SSH1: variants seen among roughly 807,000 people sequenced by gnomAD.
SSH1 encodes slingshot protein phosphatase 1, also known as protein phosphatase Slingshot homolog 1.
Under a neutral mutation model 79.7 loss-of-function variants are expected in SSH1, and 43 were observed. That is an observed-to-expected ratio of 0.54 (90% CI 0.42 to 0.70). The LOEUF is 0.70. SSH1 is among the 30% of genes least tolerant of loss of function. The pLI is 0.00. For missense variants in SSH1, 1,206 were observed against 1,358.8 expected, an observed-to-expected ratio of 0.89 and a Z score of 1.77; for synonymous variants, 599 against 538.3, an observed-to-expected ratio of 1.11 and a Z score of -1.56.
intron 13 of SSH1, 48 bp from the exon 14 acceptor site, chr12:108,792,877 TG>T: frequency 6.2e-7 from 1 of 1,609,124 alleles, no homozygotes. Flanking sequence ...GGATGGTGCC[TG>T]GGGGTGCTGG....
chr12:108,824,506 C>T (rs1015218266), intron 2 of SSH1, among the ~76,000 whole-genome samples: 5 of 151,874 alleles, frequency 3.3e-5, no homozygotes, highest in African/African-American at 1.2e-4. Context: ...TGGATACTGA[C>T]TTGTGATTTA....
rs535651120 is a variant in SSH1 at position 108,799,974 on chromosome 12, C to T, written c.1149-774G>A. ...GGAGCCGGCTCTGGTTTCCTATACC[C>T]CAACCTTGAAATTCTCCTGCAAATC... On this transcript the variant is annotated intron_variant, in intron 12 of 14. Coordinates refer to ENST00000326495, the MANE Select transcript of SSH1 (RefSeq NM_018984.4). Among the ~76,000 whole-genome samples the T allele has an allele frequency of 7.9e-5, 12 of 152,332 alleles. No homozygotes were observed. The East Asian group carries it at 1.7e-3, about 22-fold the overall frequency.
chr12:108,840,034 G>A lies in SSH1; in HGVS notation c.110+12604C>T, dbSNP rs147498385. Among the ~76,000 whole-genome samples the A allele has an allele frequency of 7.3e-3, 1,119 of 152,288 alleles. 17 individuals are homozygous for A. Among genetic ancestry groups the A allele is most frequent in the African/African-American group, 0.026 (1,060 of 41,556 alleles). On this transcript the variant is annotated intron_variant, in intron 2 of 14. Transcript: ENST00000326495. ...GGCCGATGCCCCATCCAGAAGCCCC[G>A]CTCTGACCACACGCAGGCTCTCCCG... is the stretch of plus-strand genomic sequence containing the variant.
At chr12:108,816,913 C>A (rs531331918) in intron 5 of SSH1, 125 bp downstream of exon 5, 1 of 1,471,008 alleles carries the variant, frequency 6.8e-7, no homozygotes, top group South Asian at 1.1e-5. Flanking sequence ...TGGCTCGACT[C>A]CCCAGGCTCT....
chr12:108,811,590 G>A, intron 5 of SSH1: 1 of 517,084 alleles, frequency 1.9e-6, no homozygotes, highest in Non-Finnish European at 3.5e-6. Flanking sequence ...GGAGGCAGCT[G>A]CCCAGGGCTG....
chr12:108,827,003 TAAAA>T (rs34956372), intron 2 of SSH1, among the ~76,000 whole-genome samples: 1 of 140,732 alleles, frequency 7.1e-6, no homozygotes. Context: ...TGATGAGGGA[TAAAA>T]AAAAAAAAAG....
intron 7 of SSH1, among the ~76,000 whole-genome samples, chr12:108,808,609 TA>T (rs2037406687): frequency 6.6e-6 from 1 of 152,178 alleles, no homozygotes; most frequent in Admixed American, 6.5e-5. Flanking sequence ...AAAAAGTCTT[TA>T]ATATGCAACA....
chr12:108,856,943 T>C (rs1191678729), intron 1 of SSH1, among the ~76,000 whole-genome samples: 2 of 152,130 alleles, frequency 1.3e-5, no homozygotes, highest in African/African-American at 4.8e-5. Context: ...CGCACAGTCC[T>C]CCCCAGACAG....
intron 3 of SSH1, among the ~76,000 whole-genome samples, chr12:108,822,409 AC>A (rs1316255058): frequency 5.9e-5 from 9 of 151,740 alleles, no homozygotes; most frequent in African/African-American, 2.2e-4. Context: ...TCCTGGAATT[AC>A]AGGCAAGAGC....
chr12:108,846,835 T>C (rs1387528870), intron 2 of SSH1, among the ~76,000 whole-genome samples: 3 of 151,972 alleles, frequency 2.0e-5, no homozygotes, highest in African/African-American at 7.3e-5. Context: ...ACACTGCACA[T>C]CAGCAATACT....
chr12:108,815,080 A>T (rs903347643), intron 5 of SSH1, among the ~76,000 whole-genome samples: 1 of 152,138 alleles, frequency 6.6e-6, no homozygotes, highest in Non-Finnish European at 1.5e-5. Flanking sequence ...TAAACCTAGG[A>T]GTGAATGAAT....
At chr12:108,800,648 T>A (rs1261176868) in intron 12 of SSH1, 132 bp downstream of exon 12, 3 of 1,088,598 alleles carry the variant, frequency 2.8e-6, no homozygotes, top group Non-Finnish European at 4.1e-6. Flanking sequence ...ACCAGCCAAC[T>A]CCTGCGTCTG....
chr12:108,798,982 C>T lies in SSH1; in HGVS notation c.1349+18G>A. ...TCCAGCTCCGCCTGCCAACCCTTCT[C>T]TCCAGGCAGGCACCCACCTTGCATC... On this transcript the variant is annotated intron_variant, in intron 13 of 14. Transcript: ENST00000326495. 1 of 1,610,704 alleles carries T rather than the reference C, an allele frequency of 6.2e-7. No individual in the cohort carries two copies. The highest frequency in any genetic ancestry group is 8.5e-7 in the Non-Finnish European group (1 of 1,179,888).
intron 5 of SSH1, among the ~76,000 whole-genome samples, chr12:108,815,461 C>T (rs2037840842): frequency 6.6e-6 from 1 of 152,240 alleles, no homozygotes; most frequent in Non-Finnish European, 1.5e-5. Context: ...ATTATTGGAA[C>T]AGGCCACACT....
intron 2 of SSH1, among the ~76,000 whole-genome samples, chr12:108,851,038 T>C (rs2039028231): frequency 6.6e-6 from 1 of 151,906 alleles, no homozygotes; most frequent in Non-Finnish European, 1.5e-5. Flanking sequence ...CCATTGGGAA[T>C]CCAGCTGCTT....
chr12:108,794,193 T>A (rs1326182212), intron 13 of SSH1, among the ~76,000 whole-genome samples: 1 of 152,188 alleles, frequency 6.6e-6, no homozygotes, highest in Non-Finnish European at 1.5e-5. Context: ...CAGACTGATA[T>A]CTCCCAGGGA....
chr12:108,801,155 A>T (rs566544293), intron 11 of SSH1, among the ~76,000 whole-genome samples: 1 of 152,232 alleles, frequency 6.6e-6, no homozygotes, highest in African/African-American at 2.4e-5. Context: ...AAATTATTGT[A>T]AAGACCTTAT....
At chr12:108,825,418 G>A (rs1377402801) in intron 2 of SSH1, among the ~76,000 whole-genome samples, 3 of 152,222 alleles carry the variant, frequency 2.0e-5, no homozygotes, top group Non-Finnish European at 2.9e-5. Flanking sequence ...TTTCCAATCA[G>A]CAGCTCCTGA....
In SSH1 at chr12:108,782,176, C is replaced by G. The variant is rs1201938088; in HGVS notation, c.*5812G>C. The G allele has an allele frequency of 6.6e-6, 1 of 151,056 alleles. No homozygotes were observed. The highest frequency in any genetic ancestry group is 1.5e-5 in the Non-Finnish European group (1 of 67,806). 9.4% of individuals were successfully genotyped at this position (151,056 alleles called of 1,614,324 possible). The stretch of plus-strand genomic sequence containing the variant: ...ATTAAAAAAAAAAAAATGGAAGCAG[C>G]TCTGCCTCCTGAGTGTCCAAGGGAG... On this transcript the variant is annotated 3_prime_UTR_variant, in exon 15 of 15. Coordinates refer to ENST00000326495, the MANE Select transcript of SSH1 (RefSeq NM_018984.4).
Sources: gnomAD v4.1 joint callset for allele counts (sites outside exome capture counted in the v4.1 genomes callset) on GRCh38, gnomAD v4.1.1 for gene constraint, MANE v1.5 for transcripts, NCBI Gene and HGNC (gene_info 2026-07-23, HGNC 2026-07-21) for gene names.